SEPTIN9: variants seen among roughly 807,000 people sequenced by gnomAD.
The protein encoded by SEPTIN9 is septin-9.
In SEPTIN9, 13 loss-of-function variants were observed where a neutral mutation model predicts 56.6. The observed-to-expected ratio is 0.23, with a 90% CI of 0.15 to 0.37. The LOEUF is 0.37. Ranked by LOEUF, SEPTIN9 falls within the 10% of genes least tolerant of loss-of-function variation. The pLI is 1.00. For synonymous variants in SEPTIN9, 332 were observed against 334.1 expected (o/e 0.99, Z 0.07); for missense variants, 650 against 823.1 (o/e 0.79, Z 2.57).
At chr17:77,309,686 G>T (rs1193834418) in intron 2 of SEPTIN9, among the ~76,000 whole-genome samples, 1 of 151,834 alleles carries the variant, frequency 6.6e-6, no homozygotes, top group East Asian at 1.9e-4. Flanking sequence ...TCTGGCAAAA[G>T]CTTAAATGAC....
Position 77,450,477 on chromosome 17 carries a change from C to G in SEPTIN9, c.722-31667C>G. 1 of 985,458 alleles carries G rather than the reference C, an allele frequency of 1.0e-6. No individual in the cohort carries two copies. The highest frequency in any genetic ancestry group is 1.2e-6 in the Non-Finnish European group (1 of 829,950). 61.0% of individuals were successfully genotyped at this position (985,458 alleles called of 1,614,324 possible). ...AGCAAGCCCTCGGAACGAGCCCACTCCCAGGCGCTCTCTCCTAGTGTGGGA... is the reference window on the plus strand; with the variant it reads ...AGCAAGCCCTCGGAACGAGCCCACTGCCAGGCGCTCTCTCCTAGTGTGGGA... On this transcript the variant is annotated intron_variant, in intron 3 of 11. Coordinates refer to ENST00000427177, the MANE Select transcript of SEPTIN9 (RefSeq NM_001113491.2). The surrounding 1 kb of genome is among the most constrained non-coding windows in gnomAD (Gnocchi z 6.0).
At chr17:77,291,285 T>C (rs2031538794) in intron 1 of SEPTIN9, among the ~76,000 whole-genome samples, 2 of 150,050 alleles carry the variant, frequency 1.3e-5, no homozygotes, top group Non-Finnish European at 1.5e-5. Context: ...CCACCTGCCT[T>C]GGCCTCCCAA....
At chr17:77,380,763 G>A (rs1189065823) in intron 2 of SEPTIN9, among the ~76,000 whole-genome samples, 1 of 152,170 alleles carries the variant, frequency 6.6e-6, no homozygotes, top group Non-Finnish European at 1.5e-5. Flanking sequence ...GTTGGAGGGG[G>A]GCAGTTACCC....
At chr17:77,460,342 G>C (rs576907304) in intron 3 of SEPTIN9, among the ~76,000 whole-genome samples, 1 of 152,134 alleles carries the variant, frequency 6.6e-6, no homozygotes, top group Non-Finnish European at 1.5e-5. Context: ...GCCGTGCTGG[G>C]CTGGCTCCTC....
intron 2 of SEPTIN9, among the ~76,000 whole-genome samples, chr17:77,346,286 T>TG (rs1378552057): frequency 7.0e-6 from 1 of 142,394 alleles, no homozygotes; most frequent in Non-Finnish European, 1.5e-5. Flanking sequence ...GTCTTTTTTT[T>TG]TTTTTTTTTT....
At chr17:77,447,062 C>T (rs1238621582) in intron 3 of SEPTIN9, 3 of 167,258 alleles carry the variant, frequency 1.8e-5, no homozygotes, top group Admixed American at 6.5e-5. Context: ...ACTCCCCATT[C>T]GCCCTCTCCA....
intron 3 of SEPTIN9, among the ~76,000 whole-genome samples, chr17:77,417,839 G>T (rs919599623): frequency 3.3e-5 from 5 of 152,180 alleles, no homozygotes; most frequent in African/African-American, 9.7e-5. Flanking sequence ...TCCTACCGGA[G>T]GGGGGGTTCC....
intron 1 of SEPTIN9, among the ~76,000 whole-genome samples, chr17:77,294,328 G>A (rs1397949881): frequency 2.0e-5 from 3 of 152,140 alleles, no homozygotes; most frequent in Non-Finnish European, 2.9e-5. Context: ...GCTGAGGCAG[G>A]AGAATGGCTT....
Position 77,436,487 on chromosome 17 carries a change from G to T in SEPTIN9, c.721+33784G>T, listed in dbSNP as rs965838041. ...CAGATGGGACGGGGGCGGGGCTGGA[G>T]CCAGCGGGGTGGGGGTATCCAGCAA... On this transcript the variant is annotated intron_variant, in intron 3 of 11. Coordinates refer to ENST00000427177, the MANE Select transcript of SEPTIN9 (RefSeq NM_001113491.2). The surrounding 1 kb of genome is among the most constrained non-coding windows in gnomAD (Gnocchi z 4.4). Among the ~76,000 whole-genome samples, 2 of 152,184 alleles carry T rather than the reference G, an allele frequency of 1.3e-5. No homozygotes were observed. Among genetic ancestry groups the T allele is most frequent in the South Asian group, 4.1e-4 (2 of 4,832 alleles).
chr17:77,350,610 A>AGTGTGTGTGTGTGT (rs57851361), intron 2 of SEPTIN9, among the ~76,000 whole-genome samples: 5,174 of 149,454 alleles, frequency 0.035, 110 homozygotes, highest in African/African-American at 0.038. Flanking sequence ...CCTCCAGTGC[A>AGTGTGTGTGTGTGT]GTGTGTGTGT....
chr17:77,309,067 C>T (rs2032380471), intron 2 of SEPTIN9, among the ~76,000 whole-genome samples: 1 of 152,262 alleles, frequency 6.6e-6, no homozygotes, highest in Non-Finnish European at 1.5e-5. Context: ...TCCGGCTCCG[C>T]ATCTGATCTG....
chr17:77,392,522 C>T (rs2035577285), intron 2 of SEPTIN9, among the ~76,000 whole-genome samples: 1 of 152,044 alleles, frequency 6.6e-6, no homozygotes, highest in South Asian at 2.1e-4. Context: ...GCAGATAAGC[C>T]TGGGCAGTCA....
chr17:77,449,330 G>A lies in SEPTIN9; in HGVS notation c.722-32814G>A, dbSNP rs2037877730. Among the ~76,000 whole-genome samples, 1 of 152,126 alleles carries A rather than the reference G, an allele frequency of 6.6e-6. No individual in the cohort carries two copies. Among genetic ancestry groups the A allele is most frequent in the Non-Finnish European group, 1.5e-5 (1 of 68,018 alleles). The stretch of plus-strand genomic sequence containing the variant: ...TGTGCTCTGGAGACCCTCATTTGGT[G>A]ACAGCAAGAGGAACCACTGCAAGAG... On this transcript the variant is annotated intron_variant, in intron 3 of 11. Coordinates refer to ENST00000427177, the MANE Select transcript of SEPTIN9 (RefSeq NM_001113491.2). This position sits in a 1 kb window ranked among gnomAD's most constrained non-coding sequence, Gnocchi z 4.6.
At chr17:77,365,315 T>C (rs1165602876) in intron 2 of SEPTIN9, among the ~76,000 whole-genome samples, 1 of 151,944 alleles carries the variant, frequency 6.6e-6, no homozygotes, top group East Asian at 1.9e-4. Flanking sequence ...TACCTCTTTC[T>C]CTCTCTTTCT....
intron 3 of SEPTIN9, chr17:77,466,606 G>A (rs887987395): frequency 3.3e-5 from 33 of 985,316 alleles, no homozygotes; most frequent in Non-Finnish European, 3.7e-5. Flanking sequence ...GGAGAAAGAA[G>A]AGAAGCAGGA....
chr17:77,384,330 C>G (rs1326984721), intron 2 of SEPTIN9, among the ~76,000 whole-genome samples: 2 of 151,862 alleles, frequency 1.3e-5, no homozygotes, highest in Admixed American at 1.3e-4. Context: ...GCCCAGCACA[C>G]GGCGACTTCT....
intron 2 of SEPTIN9, chr17:77,373,219 A>G: frequency 9.1e-7 from 1 of 1,104,750 alleles, no homozygotes; most frequent in Non-Finnish European, 1.1e-6. Flanking sequence ...AGGCGGGCGG[A>G]GCAGCCAGTG....
rs1315195476 is a variant in SEPTIN9, at chr17:77,421,707, C to A, written c.721+19004C>A. ...GATTGGGCTGAGCTCTCTGCCTCGG[C>A]CGACGTCTTTCCCCAGGCACTTCCT... On this transcript the variant is annotated intron_variant, in intron 3 of 11. Coordinates refer to ENST00000427177, the MANE Select transcript of SEPTIN9 (RefSeq NM_001113491.2). This position sits in a 1 kb window ranked among gnomAD's most constrained non-coding sequence, Gnocchi z 4.6. Among the ~76,000 whole-genome samples, 10 of 152,190 alleles carry A rather than the reference C, an allele frequency of 6.6e-5. No individual in the cohort carries two copies. The highest frequency in any genetic ancestry group is 2.2e-4 in the African/African-American group (9 of 41,442).
chr17:77,288,961 A>G (rs1373219473), intron 1 of SEPTIN9, among the ~76,000 whole-genome samples: 1 of 152,238 alleles, frequency 6.6e-6, no homozygotes, highest in Non-Finnish European at 1.5e-5. Context: ...CTCCAGCATC[A>G]GAGACCCAAG....
Sources: allele counts gnomAD v4.1 joint callset (sites outside exome capture counted in the v4.1 genomes callset), GRCh38; gene constraint gnomAD v4.1.1; non-coding constraint Gnocchi (gnomAD v3.1); transcripts MANE v1.5; gene names NCBI Gene and HGNC (gene_info 2026-07-23, HGNC 2026-07-21).